C13orf46: variants seen among roughly 807,000 people sequenced by gnomAD.
C13orf46 encodes the protein uncharacterized protein C13orf46.
Position 113,966,756 on chromosome 13 carries a change from T to C in C13orf46, c.504+585A>G, listed in dbSNP as rs1468445711. Among the ~76,000 whole-genome samples, 4 of 152,100 alleles carry C rather than the reference T, an allele frequency of 2.6e-5. No homozygotes were observed. In the South Asian group the frequency reaches 8.3e-4, roughly 32 times the overall value. The stretch of plus-strand genomic sequence containing the variant: ...GGTGATGATGATGATGGTTGTGATA[T>C]AATGATGGTGTTGATGCTGAGGATA... On this transcript the variant is annotated intron_variant, in intron 5 of 6. Coordinates refer to ENST00000636427, the MANE Select transcript of C13orf46 (RefSeq NM_001365455.2).
chr13:113,929,285 C>T, the C13orf46 span, among the ~76,000 whole-genome samples: 1 of 152,254 alleles, frequency 6.6e-6, no homozygotes, highest in Non-Finnish European at 1.5e-5. Context: ...CTCCTCAGGG[C>T]TGGCCCAGGC....
chr13:113,947,342 C>A, the C13orf46 span, among the ~76,000 whole-genome samples: 7 of 152,114 alleles, frequency 4.6e-5, no homozygotes, highest in African/African-American at 1.7e-4. Flanking sequence ...GGCGGACCAA[C>A]CTCAAAGGGC....
At chr13:113,944,550 TCCTGCAGGTGTGTGCTGGAC>T in the C13orf46 span, among the ~76,000 whole-genome samples, 1 of 141,764 alleles carries the variant, frequency 7.1e-6, no homozygotes, top group East Asian at 2.2e-4. Context: ...GTGTGATGAG[TCCTGCAGGTGTGTGCTGGAC>T]CCTCCAGGTG....
chr13:113,936,452 G>A, the C13orf46 span, among the ~76,000 whole-genome samples: 10 of 152,106 alleles, frequency 6.6e-5, no homozygotes, highest in African/African-American at 9.7e-5. Flanking sequence ...TCCCTCTTCC[G>A]GGCAAGTCCT....
the C13orf46 span, among the ~76,000 whole-genome samples, chr13:113,944,181 TGG>T: frequency 1.3e-5 from 2 of 152,136 alleles, no homozygotes; most frequent in South Asian, 4.1e-4. Flanking sequence ...CATCTTGTCC[TGG>T]AGGCTGCCTT....
the C13orf46 span, among the ~76,000 whole-genome samples, chr13:113,948,006 G>A: frequency 6.6e-6 from 1 of 152,254 alleles, no homozygotes; most frequent in Non-Finnish European, 1.5e-5. Context: ...GCCCATCGGG[G>A]CCATGGAGCG....
rs2052514194 is a variant in C13orf46, at chr13:113,955,180, TGGTGGAGAGGAGGAGCATCC to T, written c.*1573_*1592del. ...GCATCTCGAGGAGAGGAGGAGCATC[TGGTGGAGAGGAGGAGCATCC>T]CGTGGAGACGAGGAGCATCCCGTGG... On this transcript the variant is annotated 3_prime_UTR_variant, in exon 7 of 7. Transcript: ENST00000636427. 5.3e-6 allele frequency: 1 copy of T among 187,360 alleles called. No homozygotes were observed. Among genetic ancestry groups the T allele is most frequent in the African/African-American group, 3.0e-5 (1 of 33,492 alleles). The allele number at this position is 187,360 out of a possible 1,614,324, so 11.6% of individuals were successfully genotyped here.
At chr13:113,965,658 G>C (rs1306343374) in intron 5 of C13orf46, among the ~76,000 whole-genome samples, 1 of 150,652 alleles carries the variant, frequency 6.6e-6, no homozygotes, top group African/African-American at 2.4e-5. Context: ...TGACAATGAT[G>C]ATGGTGATTA....
downstream of C13orf46, among the ~76,000 whole-genome samples, chr13:113,951,757 T>C (rs2052489612): frequency 6.6e-6 from 1 of 152,212 alleles, no homozygotes; most frequent in Non-Finnish European, 1.5e-5. Flanking sequence ...TTCAAAGTGG[T>C]TGCCTTTTTT....
rs988373714 is a variant in C13orf46, at chr13:113,969,764, A to G, written c.242+407T>C. ...AGTACGAAGTGGGGATGTGCTGTCC[A>G]GGGCCCCACGCCCTCTCCCTAAAGG... is the stretch of plus-strand genomic sequence containing the variant. On this transcript the variant is annotated intron_variant, in intron 2 of 6. Coordinates refer to ENST00000636427, the MANE Select transcript of C13orf46 (RefSeq NM_001365455.2). Among the ~76,000 whole-genome samples, 3 of 152,172 alleles carry G rather than the reference A, an allele frequency of 2.0e-5. No homozygotes were observed. The East Asian group carries it at 5.8e-4, about 29-fold the overall frequency.
chr13:113,957,596 C>T (rs1440101875), intron 6 of C13orf46, among the ~76,000 whole-genome samples: 10 of 121,902 alleles, frequency 8.2e-5, no homozygotes, highest in South Asian at 3.2e-4. Flanking sequence ...CTGCACTCTG[C>T]CTGCACCCCC....
At chr13:113,930,472 C>T in the C13orf46 span, among the ~76,000 whole-genome samples, 1 of 152,170 alleles carries the variant, frequency 6.6e-6, no homozygotes, top group Admixed American at 6.5e-5. Flanking sequence ...ATCTCTCAAG[C>T]CTCAGTGCAG....
chr13:113,972,291 G>C (rs1329937255), intron 1 of C13orf46, among the ~76,000 whole-genome samples: 1 of 152,224 alleles, frequency 6.6e-6, no homozygotes, highest in Non-Finnish European at 1.5e-5. Context: ...GAGGGAGGTA[G>C]GGTGCAGCCT....
At chr13:113,958,760 T>C (rs2052563182) in intron 6 of C13orf46, among the ~76,000 whole-genome samples, 1 of 152,186 alleles carries the variant, frequency 6.6e-6, no homozygotes. Flanking sequence ...ATGAAGGGAC[T>C]CCTAGCGGAC....
At chr13:113,959,768 T>C (rs1352292801) in intron 6 of C13orf46, among the ~76,000 whole-genome samples, 1 of 152,250 alleles carries the variant, frequency 6.6e-6, no homozygotes, top group Non-Finnish European at 1.5e-5. Context: ...TTGTCCAAGT[T>C]ATCTCTCTTT....
the C13orf46 span, among the ~76,000 whole-genome samples, chr13:113,944,187 C>A: frequency 1.3e-5 from 2 of 152,260 alleles, no homozygotes; most frequent in South Asian, 4.1e-4. Context: ...GTCCTGGAGG[C>A]TGCCTTCCCC....
chr13:113,952,902 C>A (rs1041526955), downstream of C13orf46, among the ~76,000 whole-genome samples: 2 of 152,248 alleles, frequency 1.3e-5, no homozygotes, highest in Non-Finnish European at 2.9e-5. Context: ...GCAGAGGCAG[C>A]CCCCGGCCTC....
chr13:113,966,039 G>A (rs2052640305), intron 5 of C13orf46, among the ~76,000 whole-genome samples: 1 of 151,610 alleles, frequency 6.6e-6, no homozygotes, highest in Non-Finnish European at 1.5e-5. Flanking sequence ...TGATAGTGAT[G>A]GTGATGATGA....
chr13:113,937,097 C>T, the C13orf46 span, among the ~76,000 whole-genome samples: 3 of 152,164 alleles, frequency 2.0e-5, no homozygotes, highest in African/African-American at 7.2e-5. Context: ...TTAGCTTGGC[C>T]CAAGCCCAGG....
Sources: allele counts gnomAD v4.1 joint callset (sites outside exome capture counted in the v4.1 genomes callset), GRCh38; gene constraint gnomAD v4.1.1; transcripts MANE v1.5; gene names NCBI Gene and HGNC (gene_info 2026-07-23, HGNC 2026-07-21).